NRXN3: variants seen among roughly 807,000 people sequenced by gnomAD.
The protein encoded by NRXN3 is neurexin 3, also known as neurexin III.
In NRXN3, 32 loss-of-function variants were observed where a neutral mutation model predicts 137.6. The ratio of observed to expected loss-of-function variants is 0.23; its 90% confidence interval spans 0.18 to 0.31. The LOEUF (loss-of-function observed/expected upper bound fraction) is 0.31, where lower values mean the gene tolerates loss of function less well. Ranked by LOEUF, NRXN3 falls within the 10% of genes least tolerant of loss-of-function variation. The pLI is 1.00. For missense variants in NRXN3, 1,574 were observed against 2,062.5 expected (o/e 0.76, Z 4.59); for synonymous variants, 798 against 784.5 (o/e 1.02, Z -0.29).
At chr14:79,328,796 C>T (rs2091272446) in intron 15 of NRXN3, among the ~76,000 whole-genome samples, 2 of 152,142 alleles carry the variant, frequency 1.3e-5, no homozygotes, top group African/African-American at 4.8e-5. Flanking sequence ...TTTGTTCTTA[C>T]CAGAAAACTG....
intron 10 of NRXN3, among the ~76,000 whole-genome samples, chr14:78,813,029 ATT>A: frequency 6.6e-6 from 1 of 152,186 alleles, no homozygotes; most frequent in Non-Finnish European, 1.5e-5. Context: ...AATATAATAC[ATT>A]TTTTTTCTGA....
intron 8 of NRXN3, among the ~76,000 whole-genome samples, chr14:78,725,501 A>G (rs2098478941): frequency 6.6e-6 from 1 of 152,200 alleles, no homozygotes; most frequent in African/African-American, 2.4e-5. Context: ...TCTTTGTCCC[A>G]TGGCTCAGTC....
chr14:78,495,629 A>G (rs2095765519), intron 4 of NRXN3, among the ~76,000 whole-genome samples: 1 of 152,188 alleles, frequency 6.6e-6, no homozygotes, highest in African/African-American at 2.4e-5. Flanking sequence ...AATAATTGAA[A>G]TAACTCTTGA....
rs183968856 is a variant in NRXN3, at chr14:79,574,799, G to A, written c.3445-88979G>A. Among the ~76,000 whole-genome samples the A allele has an allele frequency of 1.7e-4, 26 of 152,196 alleles. No homozygotes were observed. The East Asian group carries it at 5.0e-3, about 29-fold the overall frequency. On this transcript the variant is annotated intron_variant, in intron 16 of 20. Transcript: ENST00000335750. ...AAAGATTTTGCAGATGTATTTTAAA[G>A]CCACAACAAGGCAAAGGGTTATTAT...
At chr14:79,356,040 A>G (rs2093409634) in intron 15 of NRXN3, among the ~76,000 whole-genome samples, 1 of 152,228 alleles carries the variant, frequency 6.6e-6, no homozygotes, top group Non-Finnish European at 1.5e-5. Context: ...GTGTTCTGCT[A>G]ATATTTTTCC....
Position 79,153,250 on chromosome 14 carries a change from A to G in NRXN3, c.3262+165109A>G, listed in dbSNP as rs542151056. ...GCTGTTAAACACAGCTATTTTCAAA[A>G]CATTTATCCATTTTCATAAAAGATT... is the stretch of plus-strand genomic sequence containing the variant. On this transcript the variant is annotated intron_variant, in intron 15 of 20. Coordinates refer to ENST00000335750, the MANE Select transcript of NRXN3 (RefSeq NM_001330195.2). Among the ~76,000 whole-genome samples, 3 of 152,074 alleles carry G rather than the reference A, an allele frequency of 2.0e-5. No individual in the cohort carries two copies. In the South Asian group the frequency reaches 6.2e-4, roughly 32 times the overall value.
At chr14:79,260,200 C>G (rs1008158684) in intron 15 of NRXN3, among the ~76,000 whole-genome samples, 48 of 152,068 alleles carry the variant, frequency 3.2e-4, no homozygotes, top group African/African-American at 1.1e-3. Flanking sequence ...ATACATATAT[C>G]TTATGTATTT....
intron 4 of NRXN3, among the ~76,000 whole-genome samples, chr14:78,459,806 C>T (rs968807554): frequency 8.5e-5 from 13 of 152,288 alleles, no homozygotes; most frequent in Non-Finnish European, 1.5e-4. Context: ...AGGATTTCTT[C>T]CCACCAAGCA....
chr14:78,582,267 G>A (rs1043396255), intron 4 of NRXN3, among the ~76,000 whole-genome samples: 16 of 152,184 alleles, frequency 1.1e-4, no homozygotes, highest in African/African-American at 3.6e-4. Context: ...CAATTTTATG[G>A]TGTGTTCTCC....
At chr14:79,251,484 G>T (rs1439065444) in intron 15 of NRXN3, among the ~76,000 whole-genome samples, 1 of 152,156 alleles carries the variant, frequency 6.6e-6, no homozygotes, top group East Asian at 1.9e-4. Flanking sequence ...ACAATAAGTA[G>T]GGGTAAAATG....
chr14:78,682,261 G>A (rs933836916), intron 6 of NRXN3, among the ~76,000 whole-genome samples: 1 of 152,024 alleles, frequency 6.6e-6, no homozygotes, highest in African/African-American at 2.4e-5. Context: ...TGTGGATTCT[G>A]TTCCTATTGT....
intron 10 of NRXN3, among the ~76,000 whole-genome samples, chr14:78,943,625 T>A (rs367778576): frequency 0.27 from 2,742 of 10,330 alleles, 153 homozygotes; most frequent in African/African-American, 0.37. Context: ...AAAAAAAATA[T>A]ATATATATAT....
intron 2 of NRXN3, among the ~76,000 whole-genome samples, 196 bp from the exon 3 acceptor site, chr14:78,278,449 C>T (rs1288229115): frequency 2.6e-5 from 4 of 152,174 alleles, no homozygotes; most frequent in South Asian, 2.1e-4. Flanking sequence ...CTTGGCCCCT[C>T]GGCTTGCATG....
chr14:78,960,264 A>G (rs990206916), intron 11 of NRXN3, among the ~76,000 whole-genome samples: 1 of 152,154 alleles, frequency 6.6e-6, no homozygotes, highest in Non-Finnish European at 1.5e-5. Flanking sequence ...ATGAGTTACA[A>G]TCTTGGGTTG....
At chr14:79,662,855 C>G (rs1023173645) in intron 16 of NRXN3, among the ~76,000 whole-genome samples, 11 of 152,036 alleles carry the variant, frequency 7.2e-5, no homozygotes, top group African/African-American at 2.7e-4. Context: ...CTAAAACGTT[C>G]ATGAGAAATT....
intron 15 of NRXN3, among the ~76,000 whole-genome samples, chr14:79,215,270 AG>A: frequency 6.6e-6 from 1 of 152,296 alleles, no homozygotes; most frequent in African/African-American, 2.4e-5. Context: ...ATTTAAAGGC[AG>A]GGCTTTGTCA....
At chr14:79,854,418 A>C (rs1391546017) in intron 20 of NRXN3, among the ~76,000 whole-genome samples, 2 of 151,770 alleles carry the variant, frequency 1.3e-5, no homozygotes, top group Non-Finnish European at 2.9e-5. Flanking sequence ...AGTTGATTTT[A>C]TTTTCTACTA....
intron 8 of NRXN3, among the ~76,000 whole-genome samples, chr14:78,743,818 G>A (rs921168311): frequency 2.6e-5 from 4 of 152,172 alleles, no homozygotes; most frequent in South Asian, 2.1e-4. Context: ...AGCCTTCTGA[G>A]CAAGGGTGTA....
intron 15 of NRXN3, among the ~76,000 whole-genome samples, chr14:79,321,552 T>G (rs2090022062): frequency 6.6e-6 from 1 of 152,164 alleles, no homozygotes; most frequent in South Asian, 2.1e-4. Context: ...TTTTTTCTAC[T>G]TACATACTTG....
Sources: allele counts gnomAD v4.1 joint callset (sites outside exome capture counted in the v4.1 genomes callset), GRCh38; gene constraint gnomAD v4.1.1; transcripts MANE v1.5; gene names NCBI Gene and HGNC (gene_info 2026-07-23, HGNC 2026-07-21).